The following NPAS3 variants were observed in gnomAD, a reference collection of about 807,000 sequenced individuals.
The protein encoded by NPAS3 is neuronal PAS domain-containing protein 3.
Under a neutral mutation model 73.1 loss-of-function variants are expected in NPAS3, and 14 were observed. The observed-to-expected ratio is 0.19, with a 90% CI of 0.13 to 0.30. NPAS3 has a LOEUF of 0.30. Among genes scored for constraint, NPAS3 ranks in the 10% least tolerant of loss-of-function variants. The probability of loss-of-function intolerance (pLI) is 1.00; values close to 1 mark genes in which losing one functional copy is unlikely to be tolerated. For missense variants in NPAS3, 1,096 were observed against 1,250.0 expected (o/e 0.88, Z 1.86); for synonymous variants, 620 against 541.5 (o/e 1.14, Z -2.01).
intron 1 of NPAS3, among the ~76,000 whole-genome samples, chr14:32,951,313 A>C (rs2036475296): frequency 6.6e-6 from 1 of 152,112 alleles, no homozygotes; most frequent in African/African-American, 2.4e-5. Context: ...TTGTTTTTCC[A>C]ATGGCATTAA....
chr14:33,283,477 A>G (rs1194883930), intron 3 of NPAS3, among the ~76,000 whole-genome samples: 1 of 152,208 alleles, frequency 6.6e-6, no homozygotes, highest in Non-Finnish European at 1.5e-5. Flanking sequence ...TTATGTTTCT[A>G]GAATATAAAG....
intron 4 of NPAS3, among the ~76,000 whole-genome samples, chr14:33,418,859 A>G (rs2048262016): frequency 6.6e-6 from 1 of 151,906 alleles, no homozygotes; most frequent in Admixed American, 6.6e-5. Flanking sequence ...TATGCAAATC[A>G]GTTATTTTAG....
rs1319885274 is a variant in NPAS3, at chr14:33,790,479, T to A, written c.1154-3418T>A. Among the ~76,000 whole-genome samples, 27 of 151,964 alleles carry A rather than the reference T, an allele frequency of 1.8e-4. 1 individual carries two copies. Among genetic ancestry groups the A allele is most frequent in the Non-Finnish European group, 1.5e-5 (1 of 68,006 alleles). On this transcript the variant is annotated intron_variant, in intron 9 of 11. Transcript: ENST00000356141. ...TCTTCTTGAGCTGATTAGGACCACA[T>A]GAGTTCAGGAAAAGCTGTCAGATCC...
intron 4 of NPAS3, among the ~76,000 whole-genome samples, chr14:33,489,266 A>G (rs549487244): frequency 6.6e-6 from 1 of 152,186 alleles, no homozygotes; most frequent in Admixed American, 6.5e-5. Flanking sequence ...TCAATATAAT[A>G]TAGGGATTTT....
intron 3 of NPAS3, among the ~76,000 whole-genome samples, chr14:33,225,487 A>C (rs781530132): frequency 6.6e-6 from 1 of 152,188 alleles, no homozygotes; most frequent in African/African-American, 2.4e-5. Flanking sequence ...AAAGGATCAG[A>C]TAGTAAATAA....
chr14:33,373,843 C>G (rs2046202278), intron 4 of NPAS3, among the ~76,000 whole-genome samples: 1 of 152,072 alleles, frequency 6.6e-6, no homozygotes, highest in Non-Finnish European at 1.5e-5. Flanking sequence ...TGAGTAAGAG[C>G]CTCCAAGAAC....
Position 33,800,188 on chromosome 14 carries a change from C to A in NPAS3, c.1881C>A (p.Asp627Glu), listed in dbSNP as rs1350931463. The change falls in exon 12 of 12, where the codon GAC becomes GAA. Residue 627 changes from aspartate to glutamate, a missense_variant. Physicochemically the swap from Asp to Glu is conservative, Grantham distance 45 (BLOSUM62 2). Around this residue, in one of 5 missense-constraint regions of NPAS3, gnomAD observed 698 missense variants for 676.7 expected, o/e 1.03. Coordinates refer to ENST00000356141, the Ensembl canonical transcript of NPAS3. This position sits in a 1 kb window ranked among gnomAD's most constrained non-coding sequence, Gnocchi z 6.5. ...GCGCGTCGAGCCCAGGCGGCCTGGACGCGGGCCTGGTGGAGCCCCCGCGGC... is the reference window on the plus strand; with the variant it reads ...GCGCGTCGAGCCCAGGCGGCCTGGAAGCGGGCCTGGTGGAGCCCCCGCGGC... 1.2e-6 allele frequency: 2 copies of A among 1,611,464 alleles called. No individual in the cohort carries two copies. Among genetic ancestry groups the A allele is most frequent in the East Asian group, 2.2e-5 (1 of 44,784 alleles).
intron 2 of NPAS3, among the ~76,000 whole-genome samples, chr14:33,185,499 C>T (rs2045946384): frequency 6.6e-6 from 1 of 152,186 alleles, no homozygotes; most frequent in Non-Finnish European, 1.5e-5. Flanking sequence ...AATATCATTT[C>T]CTCCTATATT....
chr14:33,648,059 T>C (rs2058884931), intron 5 of NPAS3, among the ~76,000 whole-genome samples: 1 of 152,140 alleles, frequency 6.6e-6, no homozygotes, highest in Non-Finnish European at 1.5e-5. Flanking sequence ...CTCACCCCTC[T>C]CCGTTTGATT....
At chr14:33,659,893 C>T (rs1203580044) in intron 5 of NPAS3, among the ~76,000 whole-genome samples, 1 of 151,828 alleles carries the variant, frequency 6.6e-6, no homozygotes, top group East Asian at 1.9e-4. Context: ...AAAAAGAATC[C>T]CCAGGTATAA....
At chr14:33,517,239 T>C (rs2140067546) in intron 4 of NPAS3, among the ~76,000 whole-genome samples, 1 of 152,164 alleles carries the variant, frequency 6.6e-6, no homozygotes, top group East Asian at 2.0e-4. Flanking sequence ...TGGGTTCTTC[T>C]CTGCTTGTCC....
chr14:33,301,908 G>A lies in NPAS3; in HGVS notation c.386-65278G>A, dbSNP rs767907080. ...TTATAACTCTACAAATATGTTTTTCGTATAATATAAAAGAAACAGGCCAAC... is the reference window on the plus strand; with the variant it reads ...TTATAACTCTACAAATATGTTTTTCATATAATATAAAAGAAACAGGCCAAC... On this transcript the variant is annotated intron_variant, in intron 3 of 11. Transcript: ENST00000356141. Among the ~76,000 whole-genome samples the A allele has an allele frequency of 1.2e-4, 18 of 152,116 alleles. No individual in the cohort carries two copies. In the East Asian group the frequency reaches 1.5e-3, roughly 13 times the overall value.
At chr14:33,216,393 T>C (rs1231523744) in intron 3 of NPAS3, among the ~76,000 whole-genome samples, 4 of 152,178 alleles carry the variant, frequency 2.6e-5, no homozygotes, top group Admixed American at 2.0e-4. Flanking sequence ...TGTAATCTTT[T>C]GTAGGATTCA....
At chr14:33,161,364 A>G (rs554826319) in intron 2 of NPAS3, among the ~76,000 whole-genome samples, 2 of 152,340 alleles carry the variant, frequency 1.3e-5, no homozygotes, top group East Asian at 3.9e-4. Context: ...TTATAGATGT[A>G]GAGAGCAAGA....
chr14:33,424,188 A>G (rs2048463681), intron 4 of NPAS3, among the ~76,000 whole-genome samples: 1 of 151,988 alleles, frequency 6.6e-6, no homozygotes, highest in African/African-American at 2.4e-5. Context: ...GAAATCCAAG[A>G]GATAAGTTGG....
intron 5 of NPAS3, among the ~76,000 whole-genome samples, chr14:33,596,823 T>C (rs2057256472): frequency 6.6e-6 from 1 of 152,206 alleles, no homozygotes; most frequent in Non-Finnish European, 1.5e-5. Context: ...TTACTGATTG[T>C]GTGACAGCTT....
intron 7 of NPAS3, among the ~76,000 whole-genome samples, chr14:33,739,887 A>G (rs750146693): frequency 3.9e-5 from 6 of 152,134 alleles, no homozygotes; most frequent in Non-Finnish European, 7.3e-5. Context: ...TACATATTGA[A>G]GTCCTATACC....
At chr14:33,045,362 T>C (rs2040474442) in intron 1 of NPAS3, among the ~76,000 whole-genome samples, 1 of 152,216 alleles carries the variant, frequency 6.6e-6, no homozygotes. Flanking sequence ...CTTTCAAATC[T>C]TAAACTCTAA....
At chr14:33,795,259 C>T (rs2063478555) in intron 10 of NPAS3, among the ~76,000 whole-genome samples, 1 of 152,130 alleles carries the variant, frequency 6.6e-6, no homozygotes, top group Admixed American at 6.5e-5. Context: ...CTTTCTATTT[C>T]CTTTTTTTTG....
Sources: gnomAD v4.1 joint callset for allele counts (sites outside exome capture counted in the v4.1 genomes callset) on GRCh38, gnomAD v4.1.1 for gene constraint, gnomAD v4.1.1 regional missense constraint, Gnocchi (gnomAD v3.1) non-coding constraint, MANE v1.5 for transcripts, NCBI Gene and HGNC (gene_info 2026-07-23, HGNC 2026-07-21) for gene names.